CAB39L: variants seen among roughly 807,000 people sequenced by gnomAD.
CAB39L encodes calcium-binding protein 39-like.
In CAB39L, 23 loss-of-function variants were observed where a neutral mutation model predicts 39.1. That is an observed-to-expected ratio of 0.59 (90% CI 0.42 to 0.83). CAB39L has a LOEUF of 0.83. Ranked by LOEUF, CAB39L falls within the 40% of genes least tolerant of loss-of-function variation. CAB39L has a pLI of 0.00. For missense variants in CAB39L, 366 were observed against 391.9 expected, an observed-to-expected ratio of 0.93 and a Z score of 0.56; for synonymous variants, 126 against 137.2, an observed-to-expected ratio of 0.92 and a Z score of 0.57.
chr13:49,392,367 G>A (rs755672626), intron 3 of CAB39L, among the ~76,000 whole-genome samples: 1 of 140,816 alleles, frequency 7.1e-6, no homozygotes, highest in Non-Finnish European at 1.5e-5. Flanking sequence ...AGGAACAGGC[G>A]GTGGTTCACG....
chr13:49,328,423 G>A (rs1954567462), intron 10 of CAB39L, among the ~76,000 whole-genome samples: 1 of 152,000 alleles, frequency 6.6e-6, no homozygotes, highest in Non-Finnish European at 1.5e-5. Flanking sequence ...CAATTTTTCT[G>A]TTATTTGTCT....
intron 5 of CAB39L, among the ~76,000 whole-genome samples, chr13:49,360,704 G>C (rs1048936758): frequency 2.6e-5 from 4 of 152,174 alleles, no homozygotes; most frequent in Admixed American, 6.5e-5. Flanking sequence ...GGTGCGAGGT[G>C]ATTGGATCAT....
intron 9 of CAB39L, among the ~76,000 whole-genome samples, chr13:49,336,195 T>G (rs1357861559): frequency 2.0e-5 from 3 of 151,868 alleles, no homozygotes; most frequent in Non-Finnish European, 2.9e-5. Flanking sequence ...TATTTCACAG[T>G]CGTCTACCTT....
At chr13:49,357,276 ACTCT>A (rs926131048) in intron 6 of CAB39L, among the ~76,000 whole-genome samples, 3 of 152,090 alleles carry the variant, frequency 2.0e-5, no homozygotes, top group African/African-American at 7.2e-5. Flanking sequence ...CAATATCCTT[ACTCT>A]CTCTGAGTTT....
chr13:49,362,649 G>A (rs978674831), intron 5 of CAB39L, among the ~76,000 whole-genome samples: 1 of 151,654 alleles, frequency 6.6e-6, no homozygotes, highest in Admixed American at 6.6e-5. Context: ...CCTTAAAGAG[G>A]AGGTAGAAAA....
chr13:49,438,074 C>G (rs903022523), intron 1 of CAB39L, among the ~76,000 whole-genome samples: 52 of 152,160 alleles, frequency 3.4e-4, no homozygotes, highest in African/African-American at 1.2e-3. Context: ...TGGGCTCAAG[C>G]AATCTTCCTG....
chr13:49,371,392 G>A lies in CAB39L; in HGVS notation c.276+5575C>T, dbSNP rs192247436. ...TTTAGTACAGATAGGGTTTTGCCAC[G>A]TTGGCGAGGCTGGTCTCGAACTCCT... On this transcript the variant is annotated intron_variant, in intron 5 of 10. Coordinates refer to ENST00000409308, the MANE Select transcript of CAB39L (RefSeq NM_001079670.3). 6.6e-5 allele frequency among the ~76,000 whole-genome samples: 10 copies of A among 152,178 alleles called. No individual in the cohort carries two copies. In the East Asian group the frequency reaches 1.2e-3, roughly 18 times the overall value.
At chr13:49,415,232 T>C (rs1184775536) in intron 3 of CAB39L, among the ~76,000 whole-genome samples, 1 of 145,642 alleles carries the variant, frequency 6.9e-6, no homozygotes, top group Non-Finnish European at 1.5e-5. Context: ...AAATAAAAAA[T>C]GTGGCCAGGC....
At chr13:49,431,255 T>C (rs934436923) in intron 3 of CAB39L, among the ~76,000 whole-genome samples, 2 of 152,222 alleles carry the variant, frequency 1.3e-5, no homozygotes, top group African/African-American at 4.8e-5. Context: ...TATATTCTTT[T>C]TTGTCTGGCT....
chr13:49,309,730 T>G lies in CAB39L; in HGVS notation c.*1084A>C, dbSNP rs1202038338. 2 of 152,214 alleles carry G rather than the reference T, an allele frequency of 1.3e-5. No homozygotes were observed. Among genetic ancestry groups the G allele is most frequent in the Non-Finnish European group, 2.9e-5 (2 of 68,030 alleles). The allele number at this position is 152,214 out of a possible 1,614,324, so 9.4% of individuals were successfully genotyped here. A position where few individuals can be genotyped will look rare whatever the true frequency, so the allele number is the denominator to read the frequency against. ...CTGTATAGGCTTTCTATGTGTTCAC[T>G]AAAGACTGTGATGGGCAATTATAGA... On this transcript the variant is annotated 3_prime_UTR_variant, in exon 11 of 11. Transcript: ENST00000409308.
intron 3 of CAB39L, among the ~76,000 whole-genome samples, chr13:49,402,002 T>C (rs1422892727): frequency 6.6e-6 from 1 of 152,200 alleles, no homozygotes; most frequent in Non-Finnish European, 1.5e-5. Context: ...TATTTCTTAA[T>C]ACGGTATATT....
chr13:49,337,763 C>T lies in CAB39L; in HGVS notation c.690+1914G>A, dbSNP rs983106968. On this transcript the variant is annotated intron_variant, in intron 9 of 10. Transcript: ENST00000409308. Reference sequence around the variant, plus strand: ...ACACACACACACACACACACACACACACACACACACACGCCTATCTCCCAA... The same window carrying T: ...ACACACACACACACACACACACACATACACACACACACGCCTATCTCCCAA... Among the ~76,000 whole-genome samples the T allele has an allele frequency of 3.1e-4, 47 of 151,988 alleles. 1 individual carries two copies. Among genetic ancestry groups the T allele is most frequent in the Non-Finnish European group, 4.7e-4 (32 of 67,940 alleles).
At chr13:49,414,777 G>A (rs1238251616) in intron 3 of CAB39L, among the ~76,000 whole-genome samples, 2 of 152,126 alleles carry the variant, frequency 1.3e-5, no homozygotes, top group African/African-American at 4.8e-5. Flanking sequence ...TAAGACTACA[G>A]ATTACTTTTT....
In CAB39L at chr13:49,309,970, C is replaced by T. The variant is rs1417849418; in HGVS notation, c.*844G>A. 1.3e-5 allele frequency: 2 copies of T among 152,098 alleles called. No individual in the cohort carries two copies. The highest frequency in any genetic ancestry group is 4.8e-5 in the African/African-American group (2 of 41,348). The allele number at this position is 152,098 out of a possible 1,614,324, so 9.4% of individuals were successfully genotyped here. A position where few individuals can be genotyped will look rare whatever the true frequency, so the allele number is the denominator to read the frequency against. ...ATGCTGATTCCTACTCTAAAAGACA[C>T]TTACAGCAGAAAGCATTCACCCATG... is the stretch of plus-strand genomic sequence containing the variant. On this transcript the variant is annotated 3_prime_UTR_variant, in exon 11 of 11. Transcript: ENST00000409308.
chr13:49,427,076 G>C (rs1266027253), intron 3 of CAB39L, among the ~76,000 whole-genome samples: 1 of 152,090 alleles, frequency 6.6e-6, no homozygotes, highest in Non-Finnish European at 1.5e-5. Flanking sequence ...GCACAAACCA[G>C]GTGGCACCTT....
At chr13:49,332,188 T>C (rs907945620) in intron 9 of CAB39L, 98 bp from the exon 10 acceptor site, 2 of 1,395,174 alleles carry the variant, frequency 1.4e-6, no homozygotes, top group African/African-American at 2.9e-5. Flanking sequence ...TAAATGTGAG[T>C]AAGAATGGTG....
At chr13:49,317,095 T>G (rs11843587) in intron 10 of CAB39L, among the ~76,000 whole-genome samples, 99,460 of 152,006 alleles carry the variant, frequency 0.65, 32,907 homozygotes, top group South Asian at 0.78. Flanking sequence ...TAAGCCATTC[T>G]GTCTGTGGTA....
At chr13:49,425,554 A>G (rs1349894887) in intron 3 of CAB39L, among the ~76,000 whole-genome samples, 1 of 152,228 alleles carries the variant, frequency 6.6e-6, no homozygotes, top group Non-Finnish European at 1.5e-5. Context: ...TGGTAGCAAA[A>G]TTATTTGGTA....
In CAB39L at chr13:49,406,509, A is replaced by G. The variant is rs562435765; in HGVS notation, c.-31-23568T>C. On this transcript the variant is annotated intron_variant, in intron 3 of 10. Coordinates refer to ENST00000409308, the MANE Select transcript of CAB39L (RefSeq NM_001079670.3). ...ATGTTCTTAACACAAAAAATTGACG[A>G]ATAGTTGAGATGATTGGATACCCTA... is the stretch of plus-strand genomic sequence containing the variant. 7.9e-5 allele frequency among the ~76,000 whole-genome samples: 12 copies of G among 151,882 alleles called. No individual in the cohort carries two copies. In the South Asian group the frequency reaches 2.3e-3, roughly 29 times the overall value.
Sources: allele counts gnomAD v4.1 joint callset (sites outside exome capture counted in the v4.1 genomes callset), GRCh38; gene constraint gnomAD v4.1.1; transcripts MANE v1.5; gene names NCBI Gene and HGNC (gene_info 2026-07-23, HGNC 2026-07-21).